PRKG1: variants seen among roughly 807,000 people sequenced by gnomAD.
PRKG1 encodes protein kinase cGMP-dependent 1.
Under a neutral mutation model 88.1 loss-of-function variants are expected in PRKG1, and 35 were observed. The ratio of observed to expected loss-of-function variants is 0.40; its 90% CI spans 0.30 to 0.53. PRKG1 has a LOEUF of 0.53. Among genes scored for constraint, PRKG1 ranks in the 20% least tolerant of loss-of-function variants. The probability of loss-of-function intolerance (pLI) is 0.59; values close to 1 mark genes in which losing one functional copy is unlikely to be tolerated. For missense variants in PRKG1, 540 were observed against 839.8 expected (o/e 0.64, Z 4.41); for synonymous variants, 303 against 292.5 (o/e 1.04, Z -0.37).
At chr10:52,252,064 C>T (rs1841184832) in intron 10 of PRKG1, 1 of 156,060 alleles carries the variant, frequency 6.4e-6, no homozygotes, top group African/African-American at 2.4e-5. Flanking sequence ...AATATAAATA[C>T]ATATAAAGGG....
At chr10:52,156,682 TAAAC>T (rs980980939) in intron 8 of PRKG1, among the ~76,000 whole-genome samples, 67 of 151,630 alleles carry the variant, frequency 4.4e-4, no homozygotes, top group African/African-American at 1.5e-3. Context: ...ATAAATAAAA[TAAAC>T]AAAAAATAAC....
intron 7 of PRKG1, among the ~76,000 whole-genome samples, chr10:52,075,001 G>A (rs914463220): frequency 6.6e-6 from 1 of 152,094 alleles, no homozygotes; most frequent in Non-Finnish European, 1.5e-5. Context: ...TCCTATTCCA[G>A]GCATTTAGGA....
chr10:52,214,086 A>G (rs1840052237), intron 9 of PRKG1, among the ~76,000 whole-genome samples: 1 of 152,134 alleles, frequency 6.6e-6, no homozygotes, highest in East Asian at 1.9e-4. Context: ...ATCCCATCCA[A>G]TATGTCAGCC....
At chr10:52,136,189 A>G (rs1837413695) in intron 8 of PRKG1, among the ~76,000 whole-genome samples, 1 of 152,134 alleles carries the variant, frequency 6.6e-6, no homozygotes, top group East Asian at 1.9e-4. Flanking sequence ...CTGAGCTTAC[A>G]GTATACAAGT....
intron 1 of PRKG1, among the ~76,000 whole-genome samples, chr10:51,016,260 C>T (rs1843058026): frequency 6.6e-6 from 1 of 152,220 alleles, no homozygotes; most frequent in Non-Finnish European, 1.5e-5. Context: ...TCAAGTTGCA[C>T]TGTATTAATT....
At chr10:52,273,353 T>C (rs1215279524) in intron 12 of PRKG1, among the ~76,000 whole-genome samples, 1 of 152,080 alleles carries the variant, frequency 6.6e-6, no homozygotes, top group African/African-American at 2.4e-5. Context: ...CACTCACATT[T>C]AGACATCTGT....
At chr10:51,066,878 T>A (rs1365913623) in intron 1 of PRKG1, among the ~76,000 whole-genome samples, 2 of 152,072 alleles carry the variant, frequency 1.3e-5, no homozygotes, top group Non-Finnish European at 2.9e-5. Flanking sequence ...GTTCTTTAGT[T>A]CACATTCTGA....
intron 4 of PRKG1, among the ~76,000 whole-genome samples, chr10:51,867,237 C>T (rs7907738): frequency 1.3e-5 from 2 of 152,080 alleles, no homozygotes; most frequent in Non-Finnish European, 2.9e-5. Context: ...ACTATAAAGG[C>T]AGGTGGAAGT....
At chr10:52,061,752 T>C (rs572443481) in intron 6 of PRKG1, among the ~76,000 whole-genome samples, 3 of 152,208 alleles carry the variant, frequency 2.0e-5, no homozygotes, top group African/African-American at 7.2e-5. Flanking sequence ...TATATGTAAT[T>C]TATATATCTT....
rs1315738712 is a variant in PRKG1, at chr10:52,237,891, G to A, written c.1077-13679G>A. 1.5e-3 allele frequency among the ~76,000 whole-genome samples: 205 copies of A among 141,322 alleles called. 1 individual carries two copies. The highest frequency in any genetic ancestry group is 5.3e-3 in the African/African-American group (198 of 37,322). 92.7% of individuals were successfully genotyped at this position (141,322 alleles called of 152,430 possible). A position where few individuals can be genotyped will look rare whatever the true frequency, so the allele number is the denominator to read the frequency against. ...ATCCTAAGCCAAAAGAACAAAGCTG[G>A]AGGCATCACACTACCTGACTTCAAA... On this transcript the variant is annotated intron_variant, in intron 9 of 17. Transcript: ENST00000373980.
At chr10:51,190,161 T>C (rs1408065161) in intron 2 of PRKG1, among the ~76,000 whole-genome samples, 1 of 152,002 alleles carries the variant, frequency 6.6e-6, no homozygotes, top group African/African-American at 2.4e-5. Flanking sequence ...TTGTTTTTTA[T>C]ATTTCAACTT....
intron 2 of PRKG1, among the ~76,000 whole-genome samples, chr10:51,371,307 G>A (rs1429451147): frequency 6.6e-6 from 1 of 151,962 alleles, no homozygotes; most frequent in Non-Finnish European, 1.5e-5. Context: ...GAGGTTGATC[G>A]GGGGAGGATT....
chr10:51,966,198 A>G (rs1241575899), intron 5 of PRKG1, among the ~76,000 whole-genome samples: 1 of 152,196 alleles, frequency 6.6e-6, no homozygotes, highest in East Asian at 1.9e-4. Flanking sequence ...GCTGATTAGC[A>G]AATACATATT....
intron 3 of PRKG1, among the ~76,000 whole-genome samples, chr10:51,674,369 T>C (rs1052376683): frequency 1.3e-5 from 2 of 152,060 alleles, no homozygotes; most frequent in Non-Finnish European, 2.9e-5. Flanking sequence ...GATGTTCCCC[T>C]CCCTGTGTCT....
intron 2 of PRKG1, among the ~76,000 whole-genome samples, chr10:51,371,402 A>T (rs1164527306): frequency 6.6e-6 from 1 of 151,932 alleles, no homozygotes; most frequent in Non-Finnish European, 1.5e-5. Context: ...AAACATGAGG[A>T]CAATAATTAC....
rs1245583775 is a variant in PRKG1 at position 52,296,421 on chromosome 10, C to T, written c.*2521C>T. 1 of 152,056 alleles carries T rather than the reference C, an allele frequency of 6.6e-6. No individual in the cohort carries two copies. The highest frequency in any genetic ancestry group is 1.5e-5 in the Non-Finnish European group (1 of 67,950). The allele number at this position is 152,056 out of a possible 1,614,324, so 9.4% of individuals were successfully genotyped here. A position where few individuals can be genotyped will look rare whatever the true frequency, so the allele number is the denominator to read the frequency against. Reference sequence around the variant, plus strand: ...ACCACAAAATAAAGGTAAACTACATCTTCCAAGATGTACCAACAGAAAACA... The same window carrying T: ...ACCACAAAATAAAGGTAAACTACATTTTCCAAGATGTACCAACAGAAAACA... On this transcript the variant is annotated 3_prime_UTR_variant, in exon 18 of 18. Transcript: ENST00000373980.
At chr10:51,072,285 T>C (rs540575206), upstream of PRKG1, among the ~76,000 whole-genome samples, 5 of 152,332 alleles carry the variant, frequency 3.3e-5, no homozygotes, top group East Asian at 7.7e-4. Flanking sequence ...TTATGTCCTC[T>C]ATACATTGTA....
chr10:50,995,618 T>C (rs561653143), intron 1 of PRKG1, among the ~76,000 whole-genome samples: 12 of 152,314 alleles, frequency 7.9e-5, no homozygotes, highest in African/African-American at 2.9e-4. Flanking sequence ...TCTTAATGAA[T>C]ATACTCCACA....
chr10:51,816,391 T>G (rs1173357076), intron 4 of PRKG1, among the ~76,000 whole-genome samples: 1 of 152,148 alleles, frequency 6.6e-6, no homozygotes, highest in Non-Finnish European at 1.5e-5. Context: ...GAACAAATAC[T>G]TGTAAACTTT....
Sources: allele counts gnomAD v4.1 joint callset (sites outside exome capture counted in the v4.1 genomes callset), GRCh38; gene constraint gnomAD v4.1.1; transcripts MANE v1.5; gene names NCBI Gene and HGNC (gene_info 2026-07-23, HGNC 2026-07-21).